Variants in MBTPS1 observed in about 807,000 individuals in gnomAD.
The protein encoded by MBTPS1 is membrane bound transcription factor peptidase, site 1, also known as membrane-bound transcription factor site-1 protease.
A neutral mutation model predicts 127.8 loss-of-function variants in MBTPS1; 94 were observed. The ratio of observed to expected loss-of-function variants is 0.74; its 90% CI spans 0.62 to 0.87. MBTPS1 has a LOEUF of 0.87. Among genes scored for constraint, MBTPS1 ranks in the 40% least tolerant of loss-of-function variants. MBTPS1 has a pLI of 0.00. For missense variants in MBTPS1, 1,636 were observed against 1,353.2 expected, an observed-to-expected ratio of 1.21 and a Z score of -3.28; for synonymous variants, 632 against 509.4, an observed-to-expected ratio of 1.24 and a Z score of -3.24.
chr16:84,085,750 G>A (rs994144919), intron 9 of MBTPS1, among the ~76,000 whole-genome samples: 1 of 152,014 alleles, frequency 6.6e-6, no homozygotes. Flanking sequence ...ATGCCAGACT[G>A]GAAAGTGGAC....
At chr16:84,103,716 T>TA (rs1457391364) in intron 1 of MBTPS1, among the ~76,000 whole-genome samples, 2 of 152,192 alleles carry the variant, frequency 1.3e-5, no homozygotes, top group South Asian at 2.1e-4. Context: ...AAAACATTGA[T>TA]AAAGTACCGT....
chr16:84,065,618 A>T (rs1323285860), intron 18 of MBTPS1, 72 bp downstream of exon 18: 1 of 952,128 alleles, frequency 1.1e-6, no homozygotes, highest in African/African-American at 1.6e-5. Flanking sequence ...GAGATGAGAG[A>T]CAGAGAGAGA....
At position 84,060,817 on chromosome 16, in the gene MBTPS1, C is replaced by A; in HGVS notation, c.2573-4G>T. On this transcript the variant is annotated splice_polypyrimidine_tract_variant and splice_region_variant and intron_variant, in intron 19 of 22. Transcript: ENST00000343411. ...GCATCCAGAAGCCAAAAGCAGTCTG[C>A]GAAGTCAACAAGCCTGTTTAGGAAT... 1 of 1,568,202 alleles carries A rather than the reference C, an allele frequency of 6.4e-7. No individual in the cohort carries two copies. The highest frequency in any genetic ancestry group is 1.2e-5 in the South Asian group (1 of 85,310).
At position 84,085,074 on chromosome 16, in the gene MBTPS1, G is replaced by T; in HGVS notation, c.1195C>A (p.Arg399=). The change falls in exon 10 of 23, where the codon CGG becomes AGG. Residue 399 remains arginine (R), a synonymous_variant. Coordinates refer to ENST00000343411, the MANE Select transcript of MBTPS1 (RefSeq NM_003791.4). ...CACCCCCCTTTCACGCCAGAACCCC[G>T]CACGCCAGCACCATAGGTGACAATG... ...PDIVTYGAGV[R]GSGVKGGCRA... 2 of 1,614,086 alleles carry T rather than the reference G, an allele frequency of 1.2e-6. No homozygotes were observed. Among genetic ancestry groups the T allele is most frequent in the Non-Finnish European group, 1.7e-6 (2 of 1,180,020 alleles).
intron 11 of MBTPS1, among the ~76,000 whole-genome samples, chr16:84,077,414 G>A (rs1443756218): frequency 6.6e-6 from 1 of 152,138 alleles, no homozygotes; most frequent in Non-Finnish European, 1.5e-5. Context: ...CAGTGGAACA[G>A]AATGGAAAGC....
chr16:84,104,621 C>G (rs961695626), intron 1 of MBTPS1, among the ~76,000 whole-genome samples: 1 of 152,136 alleles, frequency 6.6e-6, no homozygotes, highest in African/African-American at 2.4e-5. Flanking sequence ...AACTTTAATT[C>G]AACCTGTTCT....
chr16:84,109,924 G>A (rs1257939160), intron 1 of MBTPS1, among the ~76,000 whole-genome samples: 1 of 152,098 alleles, frequency 6.6e-6, no homozygotes. Flanking sequence ...AAAACACCGG[G>A]GGATAATGGA....
intron 20 of MBTPS1, chr16:84,059,870 C>G (rs1280265898): frequency 1.3e-5 from 2 of 154,150 alleles, no homozygotes; most frequent in African/African-American, 4.8e-5. Flanking sequence ...CACCATTGTG[C>G]CAACCACACG....
At chr16:84,066,364 G>A in intron 17 of MBTPS1, 125 bp downstream of exon 17, 1 of 1,024,654 alleles carries the variant, frequency 9.8e-7, no homozygotes, top group Non-Finnish European at 1.4e-6. Context: ...ATACTGGTGA[G>A]TTCTTTCCAC....
chr16:84,053,776 C>A lies in MBTPS1; in HGVS notation c.*673G>T, dbSNP rs1343786030. ...TTACACAGTATCTTTAAGCTTCAGA[C>A]GGGTAATACATATTTATTGAAAATT... On this transcript the variant is annotated 3_prime_UTR_variant, in exon 23 of 23. Coordinates refer to ENST00000343411, the MANE Select transcript of MBTPS1 (RefSeq NM_003791.4). 2 of 152,144 alleles carry A rather than the reference C, an allele frequency of 1.3e-5. No homozygotes were observed. Among genetic ancestry groups the A allele is most frequent in the Non-Finnish European group, 2.9e-5 (2 of 68,034 alleles). The allele number at this position is 152,144 out of a possible 1,614,324, so 9.4% of individuals were successfully genotyped here.
At chr16:84,072,728 T>C (rs1359090121) in intron 12 of MBTPS1, among the ~76,000 whole-genome samples, 1 of 152,104 alleles carries the variant, frequency 6.6e-6, no homozygotes, top group African/African-American at 2.4e-5. Flanking sequence ...AGACGGAGCT[T>C]GCAGTGAGCC....
chr16:84,060,687 A>G lies in MBTPS1; in HGVS notation c.2699T>C (p.Met900Thr), dbSNP rs778374749. The G allele has an allele frequency of 6.2e-7, 1 of 1,613,484 alleles. No individual in the cohort carries two copies. The highest frequency in any genetic ancestry group is 2.2e-5 in the East Asian group (1 of 44,844). Reference protein sequence around the residue: ...SGAGSVTPERMEGNHLHRYSK... With the variant: ...SGAGSVTPERTEGNHLHRYSK... Reference sequence around the variant, plus strand: ...CATCCTGCCCATCCACTCACCTTCCATCCTCTCTGGAGTGACTGAGCCTGC... The same window carrying G: ...CATCCTGCCCATCCACTCACCTTCCGTCCTCTCTGGAGTGACTGAGCCTGC... The change falls in exon 20 of 23, where the codon ATG (methionine) becomes ACG (threonine). Residue 900 changes from methionine to threonine, a missense_variant. Physicochemically the swap from Met to Thr is moderately conservative, Grantham distance 81 (BLOSUM62 -1). Transcript: ENST00000343411.
chr16:84,113,773 T>C (rs956231726), intron 1 of MBTPS1, among the ~76,000 whole-genome samples: 4 of 152,202 alleles, frequency 2.6e-5, no homozygotes, highest in African/African-American at 9.6e-5. Flanking sequence ...TTTACTAAAA[T>C]AGCTCCAAAG....
chr16:84,099,452 T>G (rs1451333679), intron 2 of MBTPS1, 142 bp from the exon 3 acceptor site: 1 of 832,816 alleles, frequency 1.2e-6, no homozygotes, highest in East Asian at 2.7e-5. Context: ...AAGACTAGTT[T>G]AAGTACCTAG....
chr16:84,060,888 C>A lies in MBTPS1; in HGVS notation c.2573-75G>T, dbSNP rs534207297. On this transcript the variant is annotated intron_variant, in intron 19 of 22. Coordinates refer to ENST00000343411, the MANE Select transcript of MBTPS1 (RefSeq NM_003791.4). The stretch of plus-strand genomic sequence containing the variant: ...AGAGTCACGCTCTTGTCACCCAGTG[C>A]AGTGGCGCAATCATAGCTCACTGCA... The A allele has an allele frequency of 2.1e-6, 3 of 1,423,510 alleles. No individual in the cohort carries two copies. In the East Asian group the frequency reaches 7.6e-5, roughly 36 times the overall value. 88.2% of individuals were successfully genotyped at this position (1,423,510 alleles called of 1,614,324 possible).
chr16:84,072,297 T>G (rs1428027387), intron 12 of MBTPS1, among the ~76,000 whole-genome samples: 2 of 152,004 alleles, frequency 1.3e-5, no homozygotes, highest in Non-Finnish European at 2.9e-5. Context: ...GCAGGCTGGT[T>G]GCCAAGGGCT....
At chr16:84,112,740 C>T (rs1034627105) in intron 1 of MBTPS1, among the ~76,000 whole-genome samples, 13 of 151,224 alleles carry the variant, frequency 8.6e-5, no homozygotes, top group African/African-American at 2.9e-4. Context: ...TGTGGGAGGC[C>T]GAGACGGGCA....
intron 4 of MBTPS1, among the ~76,000 whole-genome samples, 162 bp from the exon 5 acceptor site, chr16:84,093,983 A>T (rs1260003471): frequency 2.0e-5 from 3 of 152,240 alleles, no homozygotes; most frequent in Non-Finnish European, 4.4e-5. Context: ...TCCCAGGGTC[A>T]GCTGGCTGAG....
At chr16:84,111,284 A>T (rs1210157322) in intron 1 of MBTPS1, among the ~76,000 whole-genome samples, 1 of 152,248 alleles carries the variant, frequency 6.6e-6, no homozygotes, top group South Asian at 2.1e-4. Flanking sequence ...TCACGCCTGT[A>T]ATCCCAGCAC....
Sources: allele counts gnomAD v4.1 joint callset (sites outside exome capture counted in the v4.1 genomes callset), GRCh38; gene constraint gnomAD v4.1.1; transcripts MANE v1.5; gene names NCBI Gene and HGNC (gene_info 2026-07-23, HGNC 2026-07-21).